SGCD: variants seen among roughly 807,000 people sequenced by gnomAD.
The protein encoded by SGCD is sarcoglycan delta, also known as delta-sarcoglycan.
SGCD carries 18 observed loss-of-function variants against 36.6 expected under a neutral mutation model. The observed-to-expected ratio is 0.49, with a 90% CI of 0.34 to 0.73. SGCD has a LOEUF of 0.73. Among genes scored for constraint, SGCD ranks in the 30% least tolerant of loss-of-function variants. SGCD has a pLI of 0.01. For synonymous variants in SGCD, 133 were observed against 130.6 expected, an observed-to-expected ratio of 1.02 and a Z score of -0.12; for missense variants, 387 against 346.7, an observed-to-expected ratio of 1.12 and a Z score of -0.92.
intron 6 of SGCD, among the ~76,000 whole-genome samples, chr5:156,628,142 C>T (rs1762501888): frequency 6.6e-6 from 1 of 152,040 alleles, no homozygotes; most frequent in African/African-American, 2.4e-5. Context: ...GGGGAGGTGC[C>T]ACACACTTTT....
chr5:155,738,949 GAA>G, the SGCD span, among the ~76,000 whole-genome samples: 1 of 152,102 alleles, frequency 6.6e-6, no homozygotes, highest in East Asian at 1.9e-4. Context: ...GTGTGAGAGA[GAA>G]AGAGAGAGAG....
the SGCD span, among the ~76,000 whole-genome samples, chr5:155,766,325 G>T: frequency 2.4e-3 from 364 of 152,286 alleles, 3 homozygotes; most frequent in East Asian, 0.029. Flanking sequence ...AAGCAAAGAA[G>T]AAAGCTGAAG....
intron 1 of SGCD, among the ~76,000 whole-genome samples, chr5:156,101,319 T>C (rs1191304233): frequency 6.6e-6 from 1 of 152,168 alleles, no homozygotes; most frequent in African/African-American, 2.4e-5. Context: ...GCTAATCAAT[T>C]TAAGGCACAC....
At chr5:155,730,928 T>G in the SGCD span, among the ~76,000 whole-genome samples, 1 of 152,160 alleles carries the variant, frequency 6.6e-6, no homozygotes, top group African/African-American at 2.4e-5. Flanking sequence ...TTCCCAGATG[T>G]GTAGCACACA....
intron 1 of SGCD, among the ~76,000 whole-genome samples, chr5:156,110,416 T>C (rs537376381): frequency 1.3e-5 from 2 of 152,142 alleles, no homozygotes; most frequent in African/African-American, 2.4e-5. Flanking sequence ...TTGTATTGGG[T>C]TCGGAGTCCA....
chr5:156,406,816 A>ATATATATATATATATATATATATATG (rs1772449262), intron 3 of SGCD, among the ~76,000 whole-genome samples: 4 of 117,002 alleles, frequency 3.4e-5, no homozygotes, highest in African/African-American at 1.4e-4. Flanking sequence ...ATATATATAT[A>ATATATATATATATATATATATATATG]TATACACACA....
At chr5:155,836,635 A>C in the SGCD span, among the ~76,000 whole-genome samples, 1 of 152,168 alleles carries the variant, frequency 6.6e-6, no homozygotes, top group Non-Finnish European at 1.5e-5. Context: ...TATTTCTCCC[A>C]TCCACTTGAC....
chr5:156,307,552 GTTGTTT>G (rs1313030110), intron 3 of SGCD, among the ~76,000 whole-genome samples: 10 of 48,442 alleles, frequency 2.1e-4, no homozygotes, highest in African/African-American at 9.2e-4. Flanking sequence ...CATTTTAACT[GTTGTTT>G]TTTTTTTTTT....
upstream of SGCD, among the ~76,000 whole-genome samples, chr5:156,325,362 A>AC (rs1767779686): frequency 8.1e-6 from 1 of 124,024 alleles, no homozygotes; most frequent in African/African-American, 2.6e-5. Context: ...ATTTTGCTCC[A>AC]TTAAAAAAAA....
intron 3 of SGCD, among the ~76,000 whole-genome samples, chr5:156,166,659 C>T (rs1025960227): frequency 3.9e-5 from 6 of 152,142 alleles, no homozygotes; most frequent in South Asian, 4.1e-4. Context: ...TCATATTAGT[C>T]GTTCTGACTG....
At chr5:156,672,110 C>G (rs1478004661) in intron 7 of SGCD, among the ~76,000 whole-genome samples, 3 of 152,130 alleles carry the variant, frequency 2.0e-5, no homozygotes, top group African/African-American at 7.2e-5. Flanking sequence ...TATCAGACCC[C>G]AAATGTCAGA....
At chr5:156,599,698 G>A (rs1319098681) in intron 6 of SGCD, among the ~76,000 whole-genome samples, 1 of 152,188 alleles carries the variant, frequency 6.6e-6, no homozygotes. Flanking sequence ...AAAGATATAG[G>A]AGGAATAAAT....
At chr5:156,307,555 G>GTTGTTTTTTTT (rs1188757705) in intron 3 of SGCD, among the ~76,000 whole-genome samples, 1 of 41,144 alleles carries the variant, frequency 2.4e-5, no homozygotes, top group African/African-American at 7.6e-5. Flanking sequence ...TTTAACTGTT[G>GTTGTTTTTTTT]TTTTTTTTTT....
chr5:155,905,835 C>T (rs3097823), intron 1 of SGCD, among the ~76,000 whole-genome samples: 116,796 of 152,022 alleles, frequency 0.77, 45,013 homozygotes, highest in Admixed American at 0.82. Flanking sequence ...GTACCTTTCA[C>T]CTCCTGCCAT....
At chr5:156,722,710 C>T (rs73302901) in intron 7 of SGCD, among the ~76,000 whole-genome samples, 4,262 of 152,244 alleles carry the variant, frequency 0.028, 191 homozygotes, top group African/African-American at 0.098. Context: ...TTATACATTC[C>T]CTGGCAGCCA....
chr5:156,690,741 G>A (rs1754075684), intron 7 of SGCD, among the ~76,000 whole-genome samples: 1 of 152,146 alleles, frequency 6.6e-6, no homozygotes, highest in Non-Finnish European at 1.5e-5. Context: ...CAGAAGCACA[G>A]AAAGGAGAAA....
the SGCD span, among the ~76,000 whole-genome samples, chr5:155,828,032 GA>G: frequency 6.6e-6 from 1 of 151,956 alleles, no homozygotes; most frequent in African/African-American, 2.4e-5. Context: ...AAGAAAGAGA[GA>G]TGGGGTGATG....
chr5:156,384,265 T>C (rs1268945500), intron 3 of SGCD, among the ~76,000 whole-genome samples: 1 of 152,222 alleles, frequency 6.6e-6, no homozygotes, highest in Non-Finnish European at 1.5e-5. Flanking sequence ...CTTTACTCTT[T>C]CTTAGCTCCA....
intron 6 of SGCD, among the ~76,000 whole-genome samples, chr5:156,644,053 C>A (rs1218539139): frequency 6.6e-6 from 1 of 152,092 alleles, no homozygotes; most frequent in South Asian, 2.1e-4. Flanking sequence ...AAAGCAAACT[C>A]TGTTAAGCTA....
Sources: allele counts gnomAD v4.1 joint callset (sites outside exome capture counted in the v4.1 genomes callset), GRCh38; gene constraint gnomAD v4.1.1; transcripts MANE v1.5; gene names NCBI Gene and HGNC (gene_info 2026-07-23, HGNC 2026-07-21).